Variants in ELOVL4 observed in about 807,000 individuals in gnomAD.
The protein encoded by ELOVL4 is very long chain fatty acid elongase 4.
Under a neutral mutation model 42.1 loss-of-function variants are expected in ELOVL4, and 18 were observed. The ratio of observed to expected loss-of-function variants is 0.43; its 90% confidence interval spans 0.30 to 0.63. The LOEUF is 0.63. Among genes scored for constraint, ELOVL4 ranks in the 30% least tolerant of loss-of-function variants. The pLI, the probability that ELOVL4 is intolerant of heterozygous loss-of-function variation, is 0.15. For missense variants in ELOVL4, 299 were observed against 376.2 expected, an observed-to-expected ratio of 0.79 and a Z score of 1.70; for synonymous variants, 117 against 127.0, an observed-to-expected ratio of 0.92 and a Z score of 0.53.
intron 1 of ELOVL4, among the ~76,000 whole-genome samples, chr6:79,934,343 T>C (rs1222378699): frequency 6.6e-6 from 1 of 151,680 alleles, no homozygotes; most frequent in Non-Finnish European, 1.5e-5. Flanking sequence ...AAGGAAAGGG[T>C]GCAGAACAGA....
At chr6:79,936,958 G>A (rs1774554308) in intron 1 of ELOVL4, among the ~76,000 whole-genome samples, 1 of 152,232 alleles carries the variant, frequency 6.6e-6, no homozygotes, top group Non-Finnish European at 1.5e-5. Context: ...ACTCAAAAAA[G>A]AGGATGGAAG....
chr6:79,936,825 A>G lies in ELOVL4; in HGVS notation c.100+10355T>C, dbSNP rs142798468. Among the ~76,000 whole-genome samples, 83 of 152,318 alleles carry G rather than the reference A, an allele frequency of 5.4e-4. 1 individual carries two copies. In the South Asian group the frequency reaches 8.3e-3, roughly 15 times the overall value. On this transcript the variant is annotated intron_variant, in intron 1 of 5. Coordinates refer to ENST00000369816, the MANE Select transcript of ELOVL4 (RefSeq NM_022726.4). ...AACTGGACAAATGAGGCAGGTAATG[A>G]ACAATCTGAGACACACTCTAGAAAC...
At chr6:79,945,046 C>T (rs1416199458) in intron 1 of ELOVL4, among the ~76,000 whole-genome samples, 7 of 142,274 alleles carry the variant, frequency 4.9e-5, no homozygotes, top group Non-Finnish European at 7.6e-5. Flanking sequence ...GGAGAGTAAA[C>T]GTAAATGGGA....
intron 1 of ELOVL4, among the ~76,000 whole-genome samples, chr6:79,940,705 T>A (rs1774631812): frequency 6.6e-6 from 1 of 152,106 alleles, no homozygotes. Flanking sequence ...CAGGTAGAAA[T>A]AAGAGACCCA....
chr6:79,933,263 C>T (rs1388597077), intron 1 of ELOVL4, among the ~76,000 whole-genome samples: 1 of 152,086 alleles, frequency 6.6e-6, no homozygotes, highest in African/African-American at 2.4e-5. Flanking sequence ...CTGGGTCTGG[C>T]TCTGTTGCCC....
At chr6:79,919,779 A>T (rs924154171) in intron 4 of ELOVL4, among the ~76,000 whole-genome samples, 2 of 152,190 alleles carry the variant, frequency 1.3e-5, no homozygotes, top group African/African-American at 4.8e-5. Context: ...TGTATGTTCA[A>T]ATGCAAAGGA....
In ELOVL4 at chr6:79,947,402, C is replaced by A. The variant is rs1053034716; in HGVS notation, c.-123G>T. 4 of 754,942 alleles carry A rather than the reference C, an allele frequency of 5.3e-6. No homozygotes were observed. The highest frequency in any genetic ancestry group is 1.7e-5 in the African/African-American group (1 of 57,858). The allele number at this position is 754,942 out of a possible 1,614,324, so 46.8% of individuals were successfully genotyped here. A position where few individuals can be genotyped will look rare whatever the true frequency, so the allele number is the denominator to read the frequency against. Reference sequence around the variant, plus strand: ...GGGAACCCCTCTAACGGCGGCGGCCCGGCTGCGTCTTCTCCTGCTCCTCAA... The same window carrying A: ...GGGAACCCCTCTAACGGCGGCGGCCAGGCTGCGTCTTCTCCTGCTCCTCAA... On this transcript the variant is annotated 5_prime_UTR_variant, in exon 1 of 6. Transcript: ENST00000369816.
intron 1 of ELOVL4, among the ~76,000 whole-genome samples, chr6:79,940,176 A>G (rs1774623027): frequency 6.6e-6 from 1 of 152,204 alleles, no homozygotes; most frequent in African/African-American, 2.4e-5. Flanking sequence ...TCTGCAGTTC[A>G]AAATCACAAA....
At chr6:79,928,997 C>T (rs201598425) in intron 1 of ELOVL4, among the ~76,000 whole-genome samples, 1 of 152,162 alleles carries the variant, frequency 6.6e-6, no homozygotes, top group Non-Finnish European at 1.5e-5. Flanking sequence ...TAGTAAGAAG[C>T]CACCATGACC....
intron 1 of ELOVL4, among the ~76,000 whole-genome samples, chr6:79,935,927 C>T (rs76080791): frequency 6.6e-6 from 1 of 152,216 alleles, no homozygotes; most frequent in East Asian, 1.9e-4. Flanking sequence ...ACAAGAAATG[C>T]AGAATCTCAG....
chr6:79,918,989 A>C (rs1774204481), intron 5 of ELOVL4, among the ~76,000 whole-genome samples: 2 of 152,244 alleles, frequency 1.3e-5, no homozygotes, highest in Non-Finnish European at 2.9e-5. Context: ...GATATGTTAA[A>C]GACTGAAAAA....
chr6:79,920,499 G>A (rs1774234774), intron 4 of ELOVL4, among the ~76,000 whole-genome samples: 1 of 152,178 alleles, frequency 6.6e-6, no homozygotes, highest in Admixed American at 6.5e-5. Flanking sequence ...AGGACCAGAT[G>A]TGTTTCTGAT....
At chr6:79,916,919 C>T in intron 5 of ELOVL4, 36 bp from the exon 6 acceptor site, 1 of 1,613,062 alleles carries the variant, frequency 6.2e-7, no homozygotes, top group Non-Finnish European at 8.5e-7. Flanking sequence ...AACATTTAAT[C>T]TGAATAGTAA....
chr6:79,921,679 A>T lies in ELOVL4; in HGVS notation c.487T>A (p.Cys163Ser), dbSNP rs780499701. The T allele has an allele frequency of 6.2e-7, 1 of 1,614,066 alleles. No homozygotes were observed. Among genetic ancestry groups the T allele is most frequent in the Non-Finnish European group, 8.5e-7 (1 of 1,180,008 alleles). Residue 163 changes from cysteine to serine, a missense_variant, in exon 4 of 6, where the codon TGT becomes AGT. Physicochemically the swap from Cys to Ser is moderately radical, Grantham distance 112. Transcript: ENST00000369816. ...ATCCACCACAAGGTAAACATCGTAC[A>T]GTGATGATACACATGAAGGAAAGAA... ...QVSFLHVYHH[C>S]TMFTLWWIGI...
At chr6:79,933,655 C>T (rs1311585032) in intron 1 of ELOVL4, among the ~76,000 whole-genome samples, 2 of 152,108 alleles carry the variant, frequency 1.3e-5, no homozygotes, top group Non-Finnish European at 2.9e-5. Flanking sequence ...CACTAGACTA[C>T]CCATGTAAGA....
chr6:79,937,439 G>C (rs557038044), intron 1 of ELOVL4, among the ~76,000 whole-genome samples: 33 of 152,250 alleles, frequency 2.2e-4, no homozygotes, highest in Admixed American at 2.2e-3. Flanking sequence ...TGTGTGATTC[G>C]AGCTGAAGGC....
chr6:79,924,983 A>G lies in ELOVL4; in HGVS notation c.338T>C (p.Val113Ala), dbSNP rs2127699130. Residue 113 changes from valine to alanine, a missense_variant, in exon 3 of 6, where the codon GTG becomes GCG. Transcript: ENST00000369816. ...TTCATGAACATTATTAGAATAATCC[A>G]CACTCTGGCAAATATAGCTATATCC... ...NAGYSYICQS[V>A]DYSNNVHEVR... 3 of 1,606,548 alleles carry G rather than the reference A, an allele frequency of 1.9e-6. No individual in the cohort carries two copies. Among genetic ancestry groups the G allele is most frequent in the Non-Finnish European group, 2.6e-6 (3 of 1,173,200 alleles).
chr6:79,916,275 G>A lies in ELOVL4; in HGVS notation c.*333C>T, dbSNP rs190496270. 5 of 239,360 alleles carry A rather than the reference G, an allele frequency of 2.1e-5. No individual in the cohort carries two copies. Among genetic ancestry groups the A allele is most frequent in the Admixed American group, 1.5e-4 (3 of 19,862 alleles). 14.8% of individuals were successfully genotyped at this position (239,360 alleles called of 1,614,324 possible). On this transcript the variant is annotated 3_prime_UTR_variant, in exon 6 of 6. Coordinates refer to ENST00000369816, the MANE Select transcript of ELOVL4 (RefSeq NM_022726.4). The stretch of plus-strand genomic sequence containing the variant: ...TCTGTGATCGTCTAAAATTCAGACC[G>A]AAGAATGAGTGACTATAAGATACAT...
chr6:79,937,332 G>T (rs965575482), intron 1 of ELOVL4, among the ~76,000 whole-genome samples: 5 of 152,122 alleles, frequency 3.3e-5, no homozygotes, highest in Admixed American at 2.0e-4. Flanking sequence ...GGTAGAAAGT[G>T]AGAGAAATTA....
Sources: allele counts gnomAD v4.1 joint callset (sites outside exome capture counted in the v4.1 genomes callset), GRCh38; gene constraint gnomAD v4.1.1; transcripts MANE v1.5; gene names NCBI Gene and HGNC (gene_info 2026-07-23, HGNC 2026-07-21).